Variants in EPB41L4A observed in about 807,000 individuals in gnomAD.
The protein encoded by EPB41L4A is band 4.1-like protein 4A.
A neutral mutation model predicts 108.6 loss-of-function variants in EPB41L4A; 100 were observed. The observed-to-expected ratio is 0.92, with a 90% CI of 0.78 to 1.09. The LOEUF (loss-of-function observed/expected upper bound fraction) is 1.09. EPB41L4A is among the 50% of genes least tolerant of loss of function. EPB41L4A has a pLI of 0.00. For synonymous variants in EPB41L4A, 319 were observed against 289.0 expected (o/e 1.10, Z -1.05); for missense variants, 1,030 against 842.7 (o/e 1.22, Z -2.75).
At chr5:112,407,745 G>C (rs1561651558) in intron 1 of EPB41L4A, among the ~76,000 whole-genome samples, 2 of 152,156 alleles carry the variant, frequency 1.3e-5, no homozygotes, top group South Asian at 2.1e-4. Context: ...AGAGCTTATA[G>C]AGAAAAGTTT....
At chr5:112,148,336 T>C (rs527606692) in intron 12 of EPB41L4A, among the ~76,000 whole-genome samples, 1 of 151,250 alleles carries the variant, frequency 6.6e-6, no homozygotes, top group East Asian at 1.9e-4. Flanking sequence ...TTTCCCAGTG[T>C]TCATATGGAT....
At position 112,264,865 on chromosome 5, in the gene EPB41L4A, A is replaced by T. The variant is rs745568564; in HGVS notation, c.554+31T>A. On this transcript the variant is annotated intron_variant, in intron 6 of 22. Transcript: ENST00000261486. ...ATCAGAAGATGATGACTGATGGATG[A>T]TGCAATAAGACATGGTGTAATGATT... 9 of 1,595,944 alleles carry T rather than the reference A, an allele frequency of 5.6e-6. 1 individual carries two copies. In the South Asian group the frequency reaches 1.0e-4, roughly 18 times the overall value.
chr5:112,343,056 A>C (rs1217193636), intron 1 of EPB41L4A, among the ~76,000 whole-genome samples: 1 of 152,244 alleles, frequency 6.6e-6, no homozygotes, highest in Non-Finnish European at 1.5e-5. Flanking sequence ...CAACTAGCAT[A>C]CAAAGCACAA....
chr5:112,269,563 T>C (rs1752115931), intron 4 of EPB41L4A, among the ~76,000 whole-genome samples: 1 of 152,118 alleles, frequency 6.6e-6, no homozygotes, highest in Non-Finnish European at 1.5e-5. Flanking sequence ...AATGCTTGAG[T>C]CCTCATTTAT....
chr5:112,215,821 G>C (rs1326843194), intron 12 of EPB41L4A, among the ~76,000 whole-genome samples: 3 of 151,564 alleles, frequency 2.0e-5, no homozygotes, highest in Non-Finnish European at 4.4e-5. Flanking sequence ...ATTCCAAAAG[G>C]CTGCTCGTAT....
intron 1 of EPB41L4A, among the ~76,000 whole-genome samples, chr5:112,372,020 C>T (rs758272557): frequency 6.6e-6 from 1 of 152,124 alleles, no homozygotes; most frequent in Non-Finnish European, 1.5e-5. Context: ...CAAGACCCTA[C>T]TTCTGAATGT....
chr5:112,266,675 G>A (rs1435506313), intron 4 of EPB41L4A, among the ~76,000 whole-genome samples: 2 of 152,148 alleles, frequency 1.3e-5, no homozygotes, highest in African/African-American at 2.4e-5. Flanking sequence ...CCACCTCACA[G>A]GGTGAATGCA....
rs529428497 is a variant in EPB41L4A, at chr5:112,203,503, T to C, written c.1376+872A>G. On this transcript the variant is annotated intron_variant, in intron 15 of 22. Coordinates refer to ENST00000261486, the MANE Select transcript of EPB41L4A (RefSeq NM_022140.5). The stretch of plus-strand genomic sequence containing the variant: ...GATGAGTCATTTCTACATCTTCCTC[T>C]CTTGTACCTGTCACACTGCCCAGCC... Among the ~76,000 whole-genome samples, 8 of 152,320 alleles carry C rather than the reference T, an allele frequency of 5.3e-5. No homozygotes were observed. The South Asian group carries it at 1.7e-3, about 32-fold the overall frequency.
At chr5:112,393,822 A>C (rs2112692032) in intron 1 of EPB41L4A, among the ~76,000 whole-genome samples, 1 of 152,348 alleles carries the variant, frequency 6.6e-6, no homozygotes, top group South Asian at 2.1e-4. Context: ...CCTGATGAAC[A>C]TCGATGCAAA....
At chr5:112,189,314 C>T (rs920381350) in intron 17 of EPB41L4A, among the ~76,000 whole-genome samples, 4 of 152,216 alleles carry the variant, frequency 2.6e-5, no homozygotes, top group Non-Finnish European at 4.4e-5. Context: ...TCTATTATCT[C>T]GGGAACTTCA....
At chr5:112,270,021 G>C (rs1389036008) in intron 4 of EPB41L4A, among the ~76,000 whole-genome samples, 1 of 152,148 alleles carries the variant, frequency 6.6e-6, no homozygotes, top group Admixed American at 6.6e-5. Context: ...AATGTATGTT[G>C]AAACGAGCTA....
rs116813970 is a variant in EPB41L4A, at chr5:112,324,245, G to C, written c.100-16755C>G. Among the ~76,000 whole-genome samples the C allele has an allele frequency of 7.2e-3, 1,103 of 152,168 alleles. 9 individuals are homozygous for C. Among genetic ancestry groups the C allele is most frequent in the African/African-American group, 0.025 (1,056 of 41,460 alleles). On this transcript the variant is annotated intron_variant, in intron 1 of 22. Transcript: ENST00000261486. ...TTCTAAACTATCTCAGTAAAACTAA[G>C]GGGGGATATTTATTTTTAATTTTTG...
At chr5:112,357,971 C>T (rs746181833) in intron 1 of EPB41L4A, among the ~76,000 whole-genome samples, 1 of 152,236 alleles carries the variant, frequency 6.6e-6, no homozygotes, top group African/African-American at 2.4e-5. Flanking sequence ...TCAGTCACAC[C>T]GGTCTTCCTC....
intron 8 of EPB41L4A, among the ~76,000 whole-genome samples, chr5:112,259,595 GA>G (rs1385795610): frequency 2.0e-5 from 3 of 152,096 alleles, no homozygotes; most frequent in Admixed American, 2.0e-4. Context: ...TCCCCATTTG[GA>G]GCTAAAAGTC....
intron 1 of EPB41L4A, among the ~76,000 whole-genome samples, chr5:112,383,990 T>C (rs932753184): frequency 2.0e-5 from 3 of 152,180 alleles, no homozygotes; most frequent in African/African-American, 4.8e-5. Flanking sequence ...AATATTACGC[T>C]AAGTAAAAGA....
intron 1 of EPB41L4A, among the ~76,000 whole-genome samples, chr5:112,359,977 C>A (rs577093430): frequency 6.6e-6 from 1 of 152,166 alleles, no homozygotes; most frequent in East Asian, 1.9e-4. Flanking sequence ...TAATTACTGA[C>A]GTGTATGTGC....
chr5:112,320,937 T>C (rs1214237925), intron 1 of EPB41L4A, among the ~76,000 whole-genome samples: 2 of 152,180 alleles, frequency 1.3e-5, no homozygotes, highest in Non-Finnish European at 2.9e-5. Context: ...AACCCATGAA[T>C]GTGTCTGAGT....
intron 4 of EPB41L4A, among the ~76,000 whole-genome samples, chr5:112,268,237 G>A (rs1752004231): frequency 6.6e-6 from 1 of 152,150 alleles, no homozygotes; most frequent in Admixed American, 6.5e-5. Flanking sequence ...CAAAAGTTAG[G>A]AGTGGTGGCG....
chr5:112,252,151 C>T (rs1750723465), intron 9 of EPB41L4A, among the ~76,000 whole-genome samples: 1 of 152,110 alleles, frequency 6.6e-6, no homozygotes, highest in Non-Finnish European at 1.5e-5. Context: ...TGGCTATGGA[C>T]AGAACTGGAA....
Sources: allele counts gnomAD v4.1 joint callset (sites outside exome capture counted in the v4.1 genomes callset), GRCh38; gene constraint gnomAD v4.1.1; transcripts MANE v1.5; gene names NCBI Gene and HGNC (gene_info 2026-07-23, HGNC 2026-07-21).